The following COL28A1 variants were observed in gnomAD, a reference collection of about 807,000 sequenced individuals.
The protein encoded by COL28A1 is collagen type XXVIII alpha 1 chain, also known as collagen alpha-1(XXVIII) chain.
Under a neutral mutation model 150.2 loss-of-function variants are expected in COL28A1, and 161 were observed. The ratio of observed to expected loss-of-function variants is 1.07; its 90% confidence interval spans 0.94 to 1.22. COL28A1 has a LOEUF of 1.22. Ranked by LOEUF, COL28A1 falls within the 50% of genes most tolerant of loss-of-function variation. COL28A1 has a pLI of 0.00. For synonymous variants in COL28A1, 552 were observed against 469.7 expected, an observed-to-expected ratio of 1.18 and a Z score of -2.26; for missense variants, 1,617 against 1,388.3, an observed-to-expected ratio of 1.16 and a Z score of -2.62.
In COL28A1 at chr7:7,470,804, C is replaced by G. The variant is rs975492833; in HGVS notation, c.1302+3797G>C. Among the ~76,000 whole-genome samples the G allele has an allele frequency of 5.8e-5, 7 of 120,802 alleles. 1 individual carries two copies. Among genetic ancestry groups the G allele is most frequent in the Non-Finnish European group, 1.0e-4 (6 of 58,874 alleles). 79.3% of individuals were successfully genotyped at this position (120,802 alleles called of 152,430 possible). On this transcript the variant is annotated intron_variant, in intron 15 of 34. Transcript: ENST00000399429. ...CCATAAAAAATGATGAGTTCATATC[C>G]TTTGTAGGGACATGGATGAAATTGG...
chr7:7,426,518 TGAATAG>T lies in COL28A1; in HGVS notation c.1998+5949_1998+5954del, dbSNP rs370796349. ...CATTTCTCAATGACACCCTTTAATA[TGAATAG>T]GAAGATAGTACCAACTGTCAGCATG... On this transcript the variant is annotated intron_variant, in intron 25 of 34. Transcript: ENST00000399429. Among the ~76,000 whole-genome samples the T allele has an allele frequency of 2.2e-3, 336 of 152,296 alleles. 1 individual carries two copies. Among genetic ancestry groups the T allele is most frequent in the African/African-American group, 7.7e-3 (319 of 41,554 alleles).
chr7:7,392,277 C>T (rs529448508), intron 27 of COL28A1, among the ~76,000 whole-genome samples: 1 of 152,054 alleles, frequency 6.6e-6, no homozygotes, highest in South Asian at 2.1e-4. Flanking sequence ...GTTGAAAATT[C>T]TTTTAAGAAT....
At chr7:7,487,687 G>A (rs1377821823) in intron 13 of COL28A1, among the ~76,000 whole-genome samples, 1 of 152,174 alleles carries the variant, frequency 6.6e-6, no homozygotes, top group Non-Finnish European at 1.5e-5. Context: ...GTTAAAATTT[G>A]AGACTTCGCT....
rs1781333838 is a variant in COL28A1, at chr7:7,373,284, G to T, written c.2622C>A (p.Gly874=). The T allele has an allele frequency of 6.2e-7, 1 of 1,614,144 alleles. No individual in the cohort carries two copies. The highest frequency in any genetic ancestry group is 1.3e-5 in the African/African-American group (1 of 75,022). Residue 874 remains glycine (G), a synonymous_variant, in exon 32 of 35, where the codon GGC becomes GGA. Coordinates refer to ENST00000399429, the MANE Select transcript of COL28A1 (RefSeq NM_001037763.3). This position sits in a 1 kb window ranked among gnomAD's most constrained non-coding sequence, Gnocchi z 4.1. ...AVDNMQYLGE[G]TYTATALQAA... is the part of the protein sequence containing the mutation. Reference sequence around the variant, plus strand: ...CTTGCAGAGCAGTGGCTGTGTATGTGCCTTCCCCCAGATACTGCATGTTGT... The same window carrying T: ...CTTGCAGAGCAGTGGCTGTGTATGTTCCTTCCCCCAGATACTGCATGTTGT...
At chr7:7,523,339 T>C (rs1233113033) in intron 4 of COL28A1, among the ~76,000 whole-genome samples, 1 of 151,954 alleles carries the variant, frequency 6.6e-6, no homozygotes, top group African/African-American at 2.4e-5. Context: ...TTTGTATTTT[T>C]AGTAGAGACG....
intron 15 of COL28A1, among the ~76,000 whole-genome samples, chr7:7,456,691 T>C (rs993880470): frequency 2.0e-5 from 3 of 152,160 alleles, no homozygotes; most frequent in Non-Finnish European, 4.4e-5. Flanking sequence ...TATACAGGTG[T>C]TTGTTGAGTG....
At chr7:7,366,047 A>G (rs1780917113) in intron 33 of COL28A1, among the ~76,000 whole-genome samples, 1 of 152,174 alleles carries the variant, frequency 6.6e-6, no homozygotes, top group African/African-American at 2.4e-5. Flanking sequence ...TAAACCTCTC[A>G]TACATTAGTG....
chr7:7,499,407 C>T (rs927021115), intron 11 of COL28A1, among the ~76,000 whole-genome samples: 4 of 152,178 alleles, frequency 2.6e-5, no homozygotes, highest in African/African-American at 9.7e-5. Context: ...CTGACATGTT[C>T]AAGTACCCTA....
At chr7:7,415,143 G>C (rs1467240476) in intron 27 of COL28A1, among the ~76,000 whole-genome samples, 2 of 152,170 alleles carry the variant, frequency 1.3e-5, no homozygotes, top group African/African-American at 4.8e-5. Flanking sequence ...CCCATAAGTG[G>C]AAGGGGATAG....
chr7:7,511,294 G>A (rs1000406511), intron 8 of COL28A1, among the ~76,000 whole-genome samples, 159 bp from the exon 9 acceptor site: 1 of 152,038 alleles, frequency 6.6e-6, no homozygotes, highest in Non-Finnish European at 1.5e-5. Flanking sequence ...GGGTTTTATG[G>A]GCATTGAAAT....
chr7:7,372,104 A>G (rs1781258487), intron 32 of COL28A1, among the ~76,000 whole-genome samples: 1 of 152,000 alleles, frequency 6.6e-6, no homozygotes, highest in African/African-American at 2.4e-5. Context: ...ATGAATTTTA[A>G]AAGGTTGTTC....
intron 15 of COL28A1, among the ~76,000 whole-genome samples, chr7:7,473,130 G>C (rs749812902): frequency 3.3e-5 from 5 of 152,186 alleles, no homozygotes; most frequent in Non-Finnish European, 5.9e-5. Flanking sequence ...AGGATTTCAT[G>C]ATGAAGCATC....
intron 1 of COL28A1, among the ~76,000 whole-genome samples, chr7:7,534,491 G>A (rs1351447537): frequency 6.6e-6 from 1 of 152,096 alleles, no homozygotes; most frequent in East Asian, 1.9e-4. Flanking sequence ...ATAACACCAT[G>A]GCCATGGTAT....
At chr7:7,437,642 G>C (rs1785441422) in intron 21 of COL28A1, among the ~76,000 whole-genome samples, 180 bp from the exon 22 acceptor site, 1 of 152,178 alleles carries the variant, frequency 6.6e-6, no homozygotes, top group Non-Finnish European at 1.5e-5. Flanking sequence ...TTATTGACTA[G>C]TAAGATTTCA....
chr7:7,430,979 C>G (rs981630423), intron 25 of COL28A1, among the ~76,000 whole-genome samples: 2 of 152,116 alleles, frequency 1.3e-5, no homozygotes, highest in Non-Finnish European at 2.9e-5. Flanking sequence ...CTCATCATTA[C>G]CCCCAGAAGC....
intron 13 of COL28A1, among the ~76,000 whole-genome samples, chr7:7,481,629 A>T (rs779913031): frequency 1.3e-5 from 2 of 152,202 alleles, no homozygotes; most frequent in Non-Finnish European, 2.9e-5. Context: ...ATTATCAGTT[A>T]ACACAGCCTG....
chr7:7,488,704 AC>A (rs1779755738), intron 13 of COL28A1, among the ~76,000 whole-genome samples: 1 of 152,192 alleles, frequency 6.6e-6, no homozygotes, highest in Non-Finnish European at 1.5e-5. Context: ...TTTAGAGCAT[AC>A]TCATGGATTA....
intron 15 of COL28A1, among the ~76,000 whole-genome samples, chr7:7,458,126 T>C (rs1583421686): frequency 6.6e-6 from 1 of 151,934 alleles, no homozygotes; most frequent in African/African-American, 2.4e-5. Flanking sequence ...TGAAGAAAAA[T>C]GTATCATTTG....
chr7:7,495,276 G>A (rs1310540672), intron 11 of COL28A1, among the ~76,000 whole-genome samples: 1 of 152,110 alleles, frequency 6.6e-6, no homozygotes, highest in East Asian at 1.9e-4. Context: ...TATACTTACA[G>A]CACATCTCAA....
Sources: allele counts gnomAD v4.1 joint callset (sites outside exome capture counted in the v4.1 genomes callset), GRCh38; gene constraint gnomAD v4.1.1; non-coding constraint Gnocchi (gnomAD v3.1); transcripts MANE v1.5; gene names NCBI Gene and HGNC (gene_info 2026-07-23, HGNC 2026-07-21).